The following GRM7 variants were observed in gnomAD, a reference collection of about 807,000 sequenced individuals.
GRM7 encodes metabotropic glutamate receptor 7.
A neutral mutation model predicts 84.5 loss-of-function variants in GRM7; 35 were observed. The observed-to-expected ratio is 0.41, with a 90% confidence interval of 0.32 to 0.55. The LOEUF is 0.55. Among genes scored for constraint, GRM7 ranks in the 20% least tolerant of loss-of-function variants. The probability of loss-of-function intolerance (pLI) is 0.19; values close to 1 mark genes in which losing one functional copy is unlikely to be tolerated. For missense variants in GRM7, 1,003 were observed against 1,194.6 expected (o/e 0.84, Z 2.36); for synonymous variants, 487 against 455.1 (o/e 1.07, Z -0.89).
chr3:7,190,518 T>A (rs1019045960), intron 2 of GRM7, among the ~76,000 whole-genome samples: 2 of 152,128 alleles, frequency 1.3e-5, no homozygotes, highest in African/African-American at 4.8e-5. Flanking sequence ...GAGGCAAGAT[T>A]AGACAAATCT....
chr3:7,333,330 A>T (rs1701281990), intron 4 of GRM7, among the ~76,000 whole-genome samples: 4 of 152,212 alleles, frequency 2.6e-5, no homozygotes, highest in Admixed American at 2.0e-4. Context: ...GACATTCGCC[A>T]GCACCAGCCC....
At chr3:7,687,329 C>T (rs1700624553) in intron 9 of GRM7, among the ~76,000 whole-genome samples, 1 of 152,148 alleles carries the variant, frequency 6.6e-6, no homozygotes, top group Non-Finnish European at 1.5e-5. Flanking sequence ...TTTAGGCTCT[C>T]ACTAAAGAAA....
intron 1 of GRM7, among the ~76,000 whole-genome samples, chr3:7,000,961 A>T (rs903734206): frequency 6.6e-6 from 1 of 152,184 alleles, no homozygotes; most frequent in Non-Finnish European, 1.5e-5. Context: ...GGAAACGAAG[A>T]TTGGAAAAAA....
chr3:7,688,796 C>G lies in GRM7; in HGVS notation c.2698+8501C>G, dbSNP rs79732033. ...GGCATCATGTTCCAACAAAGCCACA[C>G]TGTTTACAGCAAATCAAATATTTGC... On this transcript the variant is annotated intron_variant, in intron 9 of 9. Coordinates refer to ENST00000357716, the MANE Select transcript of GRM7 (RefSeq NM_000844.4). Among the ~76,000 whole-genome samples, 1,093 of 152,270 alleles carry G rather than the reference C, an allele frequency of 7.2e-3. 33 individuals carry two copies. The East Asian group carries it at 0.092, about 13-fold the overall frequency.
At chr3:7,514,117 A>T (rs1226596230) in intron 7 of GRM7, among the ~76,000 whole-genome samples, 2 of 152,236 alleles carry the variant, frequency 1.3e-5, no homozygotes, top group African/African-American at 2.4e-5. Context: ...ACCTTCCAGA[A>T]AAAACCCGGC....
chr3:7,521,030 G>T (rs1435322013), intron 7 of GRM7, among the ~76,000 whole-genome samples: 1 of 152,194 alleles, frequency 6.6e-6, no homozygotes, highest in Non-Finnish European at 1.5e-5. Context: ...TTAGGATCCA[G>T]GTTTTATTGT....
intron 1 of GRM7, among the ~76,000 whole-genome samples, chr3:7,077,735 G>C (rs1698143597): frequency 6.6e-6 from 1 of 151,794 alleles, no homozygotes; most frequent in African/African-American, 2.4e-5. Flanking sequence ...AAAAAATAAA[G>C]ATTTTATAAA....
chr3:7,393,019 C>T (rs1490738241), intron 4 of GRM7, among the ~76,000 whole-genome samples: 1 of 152,098 alleles, frequency 6.6e-6, no homozygotes, highest in African/African-American at 2.4e-5. Context: ...TCAGTATGCA[C>T]CTTGGGCCGA....
In GRM7 at chr3:7,306,479, T is replaced by G. The variant is rs370198574; in HGVS notation, c.879-19T>G. The G allele has an allele frequency of 1.2e-6, 2 of 1,609,538 alleles. No individual in the cohort carries two copies. The highest frequency in any genetic ancestry group is 1.3e-5 in the African/African-American group (1 of 74,932). ...ACGTTCTTTATCATTAATATAACTT[T>G]CCATATTTCTTTCCACAGGCAGATC... On this transcript the variant is annotated intron_variant, in intron 3 of 9. Coordinates refer to ENST00000357716, the MANE Select transcript of GRM7 (RefSeq NM_000844.4).
intron 5 of GRM7, among the ~76,000 whole-genome samples, chr3:7,445,722 A>G (rs1193760144): frequency 6.6e-6 from 1 of 152,232 alleles, no homozygotes; most frequent in Non-Finnish European, 1.5e-5. Flanking sequence ...CAACTTCAAT[A>G]TAACACAGAA....
intron 1 of GRM7, among the ~76,000 whole-genome samples, chr3:6,976,130 T>G (rs1693984237): frequency 6.6e-6 from 1 of 152,170 alleles, no homozygotes; most frequent in East Asian, 1.9e-4. Context: ...TTCATTCATT[T>G]TGGTCACCAG....
At chr3:7,036,142 C>T (rs1427160809) in intron 1 of GRM7, among the ~76,000 whole-genome samples, 1 of 152,008 alleles carries the variant, frequency 6.6e-6, no homozygotes. Context: ...GTTCTTACAG[C>T]CTACACTATA....
intron 5 of GRM7, among the ~76,000 whole-genome samples, chr3:7,425,798 AG>A (rs1346133734): frequency 6.6e-6 from 1 of 152,204 alleles, no homozygotes; most frequent in Non-Finnish European, 1.5e-5. Context: ...ACAAAGAAAA[AG>A]ATGCCAAGAA....
At chr3:6,921,576 G>A (rs1401108255) in intron 1 of GRM7, among the ~76,000 whole-genome samples, 3 of 151,860 alleles carry the variant, frequency 2.0e-5, no homozygotes, top group East Asian at 1.9e-4. Flanking sequence ...AACAACAAAC[G>A]TTTAAGTACA....
chr3:7,382,619 AG>A (rs1279957345), intron 4 of GRM7, among the ~76,000 whole-genome samples: 5 of 152,244 alleles, frequency 3.3e-5, no homozygotes, highest in African/African-American at 9.6e-5. Flanking sequence ...ACTTCATAAA[AG>A]CTTGTTGAAT....
intron 1 of GRM7, among the ~76,000 whole-genome samples, chr3:7,028,401 A>C (rs17031844): frequency 0.03 from 4,607 of 152,268 alleles, 256 homozygotes; most frequent in African/African-American, 0.1. Flanking sequence ...TGGATGGTTC[A>C]AGAGTGGATT....
chr3:6,902,247 T>C (rs1396169008), intron 1 of GRM7, among the ~76,000 whole-genome samples: 1 of 152,184 alleles, frequency 6.6e-6, no homozygotes, highest in Non-Finnish European at 1.5e-5. Context: ...TTGTTTTGTC[T>C]TCTGGCAAAA....
intron 8 of GRM7, among the ~76,000 whole-genome samples, chr3:7,677,262 T>TAAAAAAAA (rs557488794): frequency 2.7e-5 from 1 of 36,984 alleles, no homozygotes; most frequent in Non-Finnish European, 6.4e-5. Flanking sequence ...ACTCTGTCTT[T>TAAAAAAAA]AAAAAAAAAA....
At chr3:7,406,437 T>G (rs528090763) in intron 4 of GRM7, among the ~76,000 whole-genome samples, 2 of 150,700 alleles carry the variant, frequency 1.3e-5, no homozygotes, top group East Asian at 3.9e-4. Flanking sequence ...GGGACGGAGC[T>G]TGCAGTGAGC....
Sources: gnomAD v4.1 joint callset for allele counts (sites outside exome capture counted in the v4.1 genomes callset) on GRCh38, gnomAD v4.1.1 for gene constraint, MANE v1.5 for transcripts, NCBI Gene and HGNC (gene_info 2026-07-23, HGNC 2026-07-21) for gene names.